SEZ6L: variants seen among roughly 807,000 people sequenced by gnomAD.
The protein encoded by SEZ6L is seizure 6-like protein.
A neutral mutation model predicts 106.2 loss-of-function variants in SEZ6L; 37 were observed. The ratio of observed to expected loss-of-function variants is 0.35; its 90% CI spans 0.27 to 0.46. The LOEUF (loss-of-function observed/expected upper bound fraction) is 0.46. Ranked by LOEUF, SEZ6L falls within the 20% of genes least tolerant of loss-of-function variation. SEZ6L has a pLI of 1.00. For missense variants in SEZ6L, 1,172 were observed against 1,332.8 expected, an observed-to-expected ratio of 0.88 and a Z score of 1.88; for synonymous variants, 541 against 570.4, an observed-to-expected ratio of 0.95 and a Z score of 0.73.
rs1291035214 is a variant in SEZ6L, at chr22:26,208,638, G to A, written c.94+38875G>A. On this transcript the variant is annotated intron_variant, in intron 1 of 16. Coordinates refer to ENST00000248933, the MANE Select transcript of SEZ6L (RefSeq NM_021115.5). ...TATGATATGTTTGTTTTCTTTAGAT[G>A]TTTTCAATATTTTCTCTTTATTTTA... Among the ~76,000 whole-genome samples the A allele has an allele frequency of 3.3e-5, 5 of 151,974 alleles. No individual in the cohort carries two copies. In the East Asian group the frequency reaches 9.6e-4, roughly 29 times the overall value.
chr22:26,251,798 A>G (rs1356878589), intron 1 of SEZ6L, among the ~76,000 whole-genome samples: 2 of 152,208 alleles, frequency 1.3e-5, no homozygotes, highest in African/African-American at 4.8e-5. Context: ...ATGGACATCT[A>G]TATCCCAACA....
At chr22:26,313,604 GCACACACACA>G (rs1316369342) in intron 8 of SEZ6L, among the ~76,000 whole-genome samples, 150 bp from the exon 9 acceptor site, 1 of 33,706 alleles carries the variant, frequency 3.0e-5, no homozygotes, top group Non-Finnish European at 6.1e-5. Context: ...ACACACACAC[GCACACACACA>G]CACGTGCTGG....
At chr22:26,244,163 A>G (rs574787432) in intron 1 of SEZ6L, among the ~76,000 whole-genome samples, 8 of 149,518 alleles carry the variant, frequency 5.4e-5, no homozygotes, top group East Asian at 2.0e-4. Flanking sequence ...ACCCTATCTC[A>G]AAAGAAAGAA....
chr22:26,298,089 C>T (rs575026765), intron 4 of SEZ6L, among the ~76,000 whole-genome samples: 1 of 152,288 alleles, frequency 6.6e-6, no homozygotes, highest in South Asian at 2.1e-4. Context: ...TTTCTCTCAC[C>T]TGTTTCTGAA....
chr22:26,292,743 G>A lies in SEZ6L; in HGVS notation c.432G>A (p.Arg144=). The change falls in exon 2 of 17, where the codon AGG becomes AGA. Residue 144 remains arginine (R), a synonymous_variant. Coordinates refer to ENST00000248933, the MANE Select transcript of SEZ6L (RefSeq NM_021115.5). ...CCACCTCCGCAGCCACTGTCCAAAG[G>A]GCAGGGTCCCAGCCAGCGTCCCAGG... is the stretch of plus-strand genomic sequence containing the variant. The part of the protein sequence containing the change: ...PKATSAATVQ[R]AGSQPASQGL... 6.2e-7 allele frequency: 1 copy of A among 1,614,030 alleles called. No homozygotes were observed. Among genetic ancestry groups the A allele is most frequent in the African/African-American group, 1.3e-5 (1 of 75,044 alleles).
chr22:26,268,404 G>A (rs1415229953), intron 1 of SEZ6L, among the ~76,000 whole-genome samples: 2 of 152,146 alleles, frequency 1.3e-5, no homozygotes, highest in Non-Finnish European at 1.5e-5. Flanking sequence ...CAGCAAGGAG[G>A]GGCAACATGA....
chr22:26,266,568 G>A (rs576862589), intron 1 of SEZ6L, among the ~76,000 whole-genome samples: 55 of 141,346 alleles, frequency 3.9e-4, no homozygotes, highest in South Asian at 1.8e-3. Flanking sequence ...GCGAGACTCC[G>A]TCTCAAAAAT....
chr22:26,342,993 G>A (rs1208630426), intron 10 of SEZ6L, among the ~76,000 whole-genome samples: 1 of 152,166 alleles, frequency 6.6e-6, no homozygotes, highest in Non-Finnish European at 1.5e-5. Flanking sequence ...GCTAACACGA[G>A]TATTGATCTT....
At chr22:26,274,971 T>G (rs189017457) in intron 1 of SEZ6L, among the ~76,000 whole-genome samples, 1 of 152,320 alleles carries the variant, frequency 6.6e-6, no homozygotes. Context: ...AATGTTAGCA[T>G]GGAGTATCTT....
intron 5 of SEZ6L, 93 bp from the exon 6 acceptor site, chr22:26,305,886 C>A: frequency 8.0e-7 from 1 of 1,256,072 alleles, no homozygotes; most frequent in Non-Finnish European, 1.1e-6. Flanking sequence ...ACACTCACTT[C>A]CTTCTCTCTC....
At chr22:26,278,390 A>G (rs1265320571) in intron 1 of SEZ6L, among the ~76,000 whole-genome samples, 1 of 152,264 alleles carries the variant, frequency 6.6e-6, no homozygotes, top group African/African-American at 2.4e-5. Context: ...CCATTACCAA[A>G]ATAGTAAACA....
At chr22:26,288,436 GACAA>G (rs961817652) in intron 1 of SEZ6L, among the ~76,000 whole-genome samples, 2 of 152,120 alleles carry the variant, frequency 1.3e-5, no homozygotes, top group Admixed American at 1.3e-4. Flanking sequence ...ACCCAGCAGA[GACAA>G]ACAAAATGAG....
chr22:26,256,872 C>T (rs2079839926), intron 1 of SEZ6L, among the ~76,000 whole-genome samples: 1 of 152,182 alleles, frequency 6.6e-6, no homozygotes, highest in Non-Finnish European at 1.5e-5. Flanking sequence ...TTGTCATCGG[C>T]TGAGATTCCT....
Position 26,365,465 on chromosome 22 carries a change from C to G in SEZ6L, c.2693C>G (p.Thr898Ser). The change falls in exon 13 of 17, where the codon ACC becomes AGC. Residue 898 changes from threonine (T) to serine (S), a missense_variant. By Grantham distance (58) the Thr-to-Ser change is moderately conservative. Coordinates refer to ENST00000248933, the MANE Select transcript of SEZ6L (RefSeq NM_021115.5). ...KRLYLPGESL[T>S]FMCYEGFELM... Reference sequence around the variant, plus strand: ...CTCTACCTGCCAGGAGAGTCCCTCACCTTCATGTGCTACGAAGGCTTTGAG... The same window carrying G: ...CTCTACCTGCCAGGAGAGTCCCTCAGCTTCATGTGCTACGAAGGCTTTGAG... The G allele has an allele frequency of 6.2e-7, 1 of 1,614,208 alleles. No homozygotes were observed. The highest frequency in any genetic ancestry group is 1.1e-5 in the South Asian group (1 of 91,080).
intron 1 of SEZ6L, among the ~76,000 whole-genome samples, chr22:26,181,430 T>G (rs1601962371): frequency 6.6e-6 from 1 of 152,330 alleles, no homozygotes; most frequent in East Asian, 1.9e-4. Context: ...GAATCAAGCC[T>G]AGTTTTCCAG....
chr22:26,355,466 G>T (rs2083409903), intron 12 of SEZ6L, among the ~76,000 whole-genome samples: 2 of 152,170 alleles, frequency 1.3e-5, no homozygotes, highest in African/African-American at 2.4e-5. Context: ...GGTGGCTCAC[G>T]CCTGTAATCC....
At chr22:26,360,223 C>T (rs917081721) in intron 12 of SEZ6L, among the ~76,000 whole-genome samples, 3 of 152,168 alleles carry the variant, frequency 2.0e-5, no homozygotes, top group Non-Finnish European at 4.4e-5. Flanking sequence ...TAACCCAAGG[C>T]CATTCTAGCA....
At chr22:26,342,801 G>A (rs575777479) in intron 10 of SEZ6L, among the ~76,000 whole-genome samples, 2 of 152,158 alleles carry the variant, frequency 1.3e-5, no homozygotes, top group African/African-American at 2.4e-5. Flanking sequence ...TTACTTCTGC[G>A]CCAACCTAAT....
At chr22:26,275,691 C>T (rs1481187383) in intron 1 of SEZ6L, among the ~76,000 whole-genome samples, 3 of 152,144 alleles carry the variant, frequency 2.0e-5, no homozygotes, top group African/African-American at 7.2e-5. Context: ...CCAGCACCCC[C>T]ACCTCCTAGG....
Sources: gnomAD v4.1 joint callset for allele counts (sites outside exome capture counted in the v4.1 genomes callset) on GRCh38, gnomAD v4.1.1 for gene constraint, MANE v1.5 for transcripts, NCBI Gene and HGNC (gene_info 2026-07-23, HGNC 2026-07-21) for gene names.